TACR3: variants seen among roughly 807,000 people sequenced by gnomAD.
The protein encoded by TACR3 is tachykinin receptor 3.
A neutral mutation model predicts 35.0 loss-of-function variants in TACR3; 34 were observed. That is an observed-to-expected ratio of 0.97 (90% CI 0.74 to 1.30). TACR3 has a LOEUF of 1.30. Among genes scored for constraint, TACR3 ranks in the 50% most tolerant of loss-of-function variants. The pLI is 0.00. For synonymous variants in TACR3, 233 were observed against 221.1 expected, an observed-to-expected ratio of 1.05 and a Z score of -0.48; for missense variants, 558 against 591.7, an observed-to-expected ratio of 0.94 and a Z score of 0.59.
intron 3 of TACR3, among the ~76,000 whole-genome samples, chr4:103,605,690 ATTTG>A (rs1182611985): frequency 6.6e-6 from 1 of 151,756 alleles, no homozygotes; most frequent in Non-Finnish European, 1.5e-5. Flanking sequence ...TTTCTTGTAA[ATTTG>A]TTTGAGTTCA....
intron 3 of TACR3, among the ~76,000 whole-genome samples, chr4:103,637,287 C>A (rs1228813465): frequency 1.3e-5 from 2 of 152,040 alleles, no homozygotes; most frequent in Non-Finnish European, 2.9e-5. Flanking sequence ...GTTCAACATA[C>A]CCAAATCAAT....
chr4:103,679,293 T>C (rs1726238203), intron 1 of TACR3, among the ~76,000 whole-genome samples: 1 of 152,060 alleles, frequency 6.6e-6, no homozygotes, highest in African/African-American at 2.4e-5. Flanking sequence ...TGAGTAGAAC[T>C]GTGTGTATTT....
intron 1 of TACR3, among the ~76,000 whole-genome samples, chr4:103,680,906 C>T (rs909744502): frequency 7.9e-5 from 12 of 151,914 alleles, no homozygotes; most frequent in African/African-American, 2.4e-4. Context: ...ACAGCATTCA[C>T]ATTTTTTCAA....
At chr4:103,619,554 T>G (rs1374717588) in intron 3 of TACR3, among the ~76,000 whole-genome samples, 1 of 152,160 alleles carries the variant, frequency 6.6e-6, no homozygotes, top group African/African-American at 2.4e-5. Flanking sequence ...TCCAGTACTA[T>G]GTTGAATAGG....
At chr4:103,666,850 C>A (rs1340988468) in intron 1 of TACR3, among the ~76,000 whole-genome samples, 2 of 152,094 alleles carry the variant, frequency 1.3e-5, no homozygotes, top group East Asian at 3.9e-4. Flanking sequence ...TTTTGAAGTC[C>A]AGTTTACTGA....
chr4:103,647,492 A>G (rs1725487753), intron 3 of TACR3, among the ~76,000 whole-genome samples: 2 of 151,890 alleles, frequency 1.3e-5, no homozygotes, highest in African/African-American at 4.8e-5. Flanking sequence ...TCAATTTCCA[A>G]CTTGAATATC....
chr4:103,686,540 A>G (rs1722245768), intron 1 of TACR3, among the ~76,000 whole-genome samples: 1 of 152,212 alleles, frequency 6.6e-6, no homozygotes, highest in Non-Finnish European at 1.5e-5. Context: ...AAATGATAAC[A>G]GTAAACCCCA....
At chr4:103,656,162 A>T in intron 3 of TACR3, 32 bp downstream of exon 3, 2 of 1,611,366 alleles carry the variant, frequency 1.2e-6, no homozygotes, top group South Asian at 2.2e-5. Flanking sequence ...CATAACCTAT[A>T]CAAATGCTAG....
rs1195685253 is a variant in TACR3 at position 103,605,226 on chromosome 4, A to G, written c.889-13543T>C. Among the ~76,000 whole-genome samples, 6 of 135,002 alleles carry G rather than the reference A, an allele frequency of 4.4e-5. No individual in the cohort carries two copies. In the South Asian group the frequency reaches 1.2e-3, roughly 28 times the overall value. 88.6% of individuals were successfully genotyped at this position (135,002 alleles called of 152,430 possible). A position where few individuals can be genotyped will look rare whatever the true frequency, so the allele number is the denominator to read the frequency against. ...CCACAGTTTCTTAATCCAGTCTATC[A>G]TTGTTGGACATTTGGGTTGGTTCCA... is the stretch of plus-strand genomic sequence containing the variant. On this transcript the variant is annotated intron_variant, in intron 3 of 4. Transcript: ENST00000304883.
intron 3 of TACR3, among the ~76,000 whole-genome samples, chr4:103,602,195 G>T (rs1227721496): frequency 6.6e-6 from 1 of 152,088 alleles, no homozygotes; most frequent in Non-Finnish European, 1.5e-5. Context: ...TGAGGCTTCT[G>T]CATTCGTCAC....
At chr4:103,674,356 T>G (rs938938771) in intron 1 of TACR3, among the ~76,000 whole-genome samples, 3 of 150,616 alleles carry the variant, frequency 2.0e-5, no homozygotes, top group Non-Finnish European at 4.4e-5. Flanking sequence ...TCAGGAAGAG[T>G]GAGTAACCAT....
At chr4:103,669,587 A>G (rs1726010188) in intron 1 of TACR3, among the ~76,000 whole-genome samples, 1 of 152,058 alleles carries the variant, frequency 6.6e-6, no homozygotes, top group Non-Finnish European at 1.5e-5. Flanking sequence ...CATTTCTTTG[A>G]TGATTAGTGA....
chr4:103,614,135 G>A (rs1405102379), intron 3 of TACR3, among the ~76,000 whole-genome samples: 2 of 151,826 alleles, frequency 1.3e-5, no homozygotes, highest in Non-Finnish European at 2.9e-5. Context: ...ATTCTCAAAT[G>A]TTCATTTATG....
At chr4:103,716,015 G>C (rs1723081719) in intron 1 of TACR3, among the ~76,000 whole-genome samples, 1 of 152,140 alleles carries the variant, frequency 6.6e-6, no homozygotes. Flanking sequence ...CTTGTTAGGT[G>C]TCATAATAGT....
intron 3 of TACR3, among the ~76,000 whole-genome samples, chr4:103,596,756 C>T (rs1441543575): frequency 6.6e-6 from 1 of 151,854 alleles, no homozygotes; most frequent in Non-Finnish European, 1.5e-5. Flanking sequence ...CTCCCCCGTC[C>T]CCCTACCCCA....
At chr4:103,687,822 C>T (rs1179597115) in intron 1 of TACR3, among the ~76,000 whole-genome samples, 6 of 152,090 alleles carry the variant, frequency 3.9e-5, no homozygotes, top group Non-Finnish European at 7.4e-5. Context: ...GCCATACTGC[C>T]CAAGGTAATT....
At chr4:103,639,752 T>C (rs1467772263) in intron 3 of TACR3, among the ~76,000 whole-genome samples, 1 of 152,018 alleles carries the variant, frequency 6.6e-6, no homozygotes, top group Admixed American at 6.6e-5. Context: ...AAATCCTGAC[T>C]CTATTGTTAA....
At chr4:103,700,774 G>C (rs116650768) in intron 1 of TACR3, among the ~76,000 whole-genome samples, 18,102 of 152,086 alleles carry the variant, frequency 0.12, 1,489 homozygotes, top group East Asian at 0.43. Flanking sequence ...ATAATCCAGC[G>C]TATAAACAGA....
At chr4:103,649,126 T>C (rs1725527164) in intron 3 of TACR3, among the ~76,000 whole-genome samples, 1 of 152,086 alleles carries the variant, frequency 6.6e-6, no homozygotes, top group South Asian at 2.1e-4. Flanking sequence ...CATTTTTAAT[T>C]GGATTATTAG....
Sources: allele counts gnomAD v4.1 joint callset (sites outside exome capture counted in the v4.1 genomes callset), GRCh38; gene constraint gnomAD v4.1.1; transcripts MANE v1.5; gene names NCBI Gene and HGNC (gene_info 2026-07-23, HGNC 2026-07-21).